Variants in UBA2 observed in about 807,000 individuals in gnomAD.
UBA2 encodes the protein SUMO-activating enzyme subunit 2.
A neutral mutation model predicts 77.2 loss-of-function variants in UBA2; 11 were observed. The observed-to-expected ratio is 0.14, with a 90% confidence interval of 0.09 to 0.24. The LOEUF (loss-of-function observed/expected upper bound fraction) is 0.24. Ranked by LOEUF, UBA2 falls within the 10% of genes least tolerant of loss-of-function variation. The probability of loss-of-function intolerance (pLI) is 1.00; values close to 1 mark genes in which losing one functional copy is unlikely to be tolerated. For missense variants in UBA2, 487 were observed against 781.7 expected, an observed-to-expected ratio of 0.62 and a Z score of 4.50; for synonymous variants, 278 against 276.7, an observed-to-expected ratio of 1.00 and a Z score of -0.05.
chr19:34,457,347 CAA>C (rs1481407577), intron 12 of UBA2, among the ~76,000 whole-genome samples: 2 of 151,172 alleles, frequency 1.3e-5, no homozygotes, highest in East Asian at 3.9e-4. Context: ...AGCCTGGCAA[CAA>C]GAGCGAAACT....
At chr19:34,453,586 T>G (rs1461555045) in intron 10 of UBA2, among the ~76,000 whole-genome samples, 2 of 150,394 alleles carry the variant, frequency 1.3e-5, no homozygotes, top group African/African-American at 2.5e-5. Flanking sequence ...TGCAGTGGCA[T>G]GATCTTGGCT....
chr19:34,456,295 A>G (rs2075562172), intron 12 of UBA2, among the ~76,000 whole-genome samples: 1 of 150,534 alleles, frequency 6.6e-6, no homozygotes, highest in Admixed American at 6.6e-5. Flanking sequence ...TTGTATTATT[A>G]GTAGAGACGG....
At chr19:34,441,371 C>G (rs1368109702) in intron 6 of UBA2, among the ~76,000 whole-genome samples, 1 of 152,018 alleles carries the variant, frequency 6.6e-6, no homozygotes, top group African/African-American at 2.4e-5. Flanking sequence ...AGGAGAATGG[C>G]GTGAACCCGG....
chr19:34,438,336 C>G (rs1444793678), intron 5 of UBA2, among the ~76,000 whole-genome samples: 1 of 151,744 alleles, frequency 6.6e-6, no homozygotes, highest in East Asian at 1.9e-4. Flanking sequence ...AGTAGTTTTT[C>G]TGTTTAGTGT....
At chr19:34,428,751 G>A in intron 1 of UBA2, 181 bp downstream of exon 1, 3 of 1,140,882 alleles carry the variant, frequency 2.6e-6, no homozygotes, top group South Asian at 4.6e-5. Flanking sequence ...TGTTCTTTGG[G>A]CACGGGGCGG....
intron 6 of UBA2, among the ~76,000 whole-genome samples, chr19:34,442,240 A>G (rs892638807): frequency 6.6e-6 from 1 of 152,150 alleles, no homozygotes; most frequent in Non-Finnish European, 1.5e-5. Context: ...CACACACACA[A>G]AAAAGATAAT....
chr19:34,458,401 A>T (rs1005098989), intron 12 of UBA2, among the ~76,000 whole-genome samples: 1 of 151,490 alleles, frequency 6.6e-6, no homozygotes, highest in Non-Finnish European at 1.5e-5. Flanking sequence ...TAAAAAAAAA[A>T]TACAAAAAAT....
intron 7 of UBA2, among the ~76,000 whole-genome samples, chr19:34,444,378 T>A (rs367832807): frequency 6.6e-6 from 1 of 152,068 alleles, no homozygotes; most frequent in Non-Finnish European, 1.5e-5. Context: ...ACAAAAAAAA[T>A]ATGATTCCGT....
chr19:34,454,216 T>G (rs773804523), intron 10 of UBA2, 44 bp from the exon 11 acceptor site: 1 of 1,487,314 alleles, frequency 6.7e-7, no homozygotes, highest in Non-Finnish European at 9.3e-7. Flanking sequence ...TTCAAAATAG[T>G]CAATTTGTGG....
intron 10 of UBA2, among the ~76,000 whole-genome samples, chr19:34,453,611 C>T (rs1021428281): frequency 2.6e-4 from 39 of 150,706 alleles, no homozygotes; most frequent in African/African-American, 9.3e-4. Flanking sequence ...GCAGCCTCTG[C>T]GTCCCGGGTT....
chr19:34,470,863 C>T lies in UBA2; in HGVS notation c.*1642C>T, dbSNP rs536036862. 1 of 152,348 alleles carries T rather than the reference C, an allele frequency of 6.6e-6. No individual in the cohort carries two copies. Among genetic ancestry groups the T allele is most frequent in the Admixed American group, 6.5e-5 (1 of 15,286 alleles). 9.4% of individuals were successfully genotyped at this position (152,348 alleles called of 1,614,324 possible). A position where few individuals can be genotyped will look rare whatever the true frequency, so the allele number is the denominator to read the frequency against. ...AAAATTTGGATTGTCAGCAGTTGGC[C>T]TTTGTTGAGAAAATGTGTGACTTTG... On this transcript the variant is annotated 3_prime_UTR_variant, in exon 17 of 17. Coordinates refer to ENST00000246548, the MANE Select transcript of UBA2 (RefSeq NM_005499.3).
chr19:34,437,810 T>C (rs2075326161), intron 5 of UBA2, among the ~76,000 whole-genome samples: 1 of 151,310 alleles, frequency 6.6e-6, no homozygotes. Context: ...TCCCAGCACT[T>C]TTGGGAAGCC....
intron 14 of UBA2, among the ~76,000 whole-genome samples, chr19:34,463,080 G>A (rs547188768): frequency 1.1e-3 from 170 of 151,018 alleles, no homozygotes; most frequent in Non-Finnish European, 1.5e-3. Flanking sequence ...CTGGACAACA[G>A]AGTGAGACTC....
chr19:34,443,989 G>A (rs2075397962), intron 7 of UBA2, 78 bp downstream of exon 7: 4 of 867,330 alleles, frequency 4.6e-6, no homozygotes, highest in Admixed American at 3.7e-5. Flanking sequence ...TAGCTTAAGG[G>A]AAAAAAATTG....
intron 16 of UBA2, among the ~76,000 whole-genome samples, chr19:34,468,177 ACTT>A (rs1173176917): frequency 4.6e-5 from 7 of 151,770 alleles, no homozygotes; most frequent in Admixed American, 2.0e-4. Flanking sequence ...CCAGATTTTG[ACTT>A]CTTTGTTTTC....
At chr19:34,444,033 GTTTTTTTTTTGTTTTTTTTT>G in intron 7 of UBA2, 122 bp downstream of exon 7, 1 of 202,742 alleles carries the variant, frequency 4.9e-6, no homozygotes, top group Non-Finnish European at 8.8e-6. Flanking sequence ...TTTAACATGT[GTTTTTTTTTTGTTTTTTTTT>G]TTTTTTTTTT....
At chr19:34,446,112 C>T (rs2075427556) in intron 8 of UBA2, among the ~76,000 whole-genome samples, 1 of 152,058 alleles carries the variant, frequency 6.6e-6, no homozygotes, top group Non-Finnish European at 1.5e-5. Context: ...CTCCTGGGTT[C>T]AAGCGATCCT....
At chr19:34,429,574 G>A (rs958080820) in intron 1 of UBA2, among the ~76,000 whole-genome samples, 2 of 152,146 alleles carry the variant, frequency 1.3e-5, no homozygotes, top group Non-Finnish European at 2.9e-5. Flanking sequence ...ATGGATGAAG[G>A]CTTGAATTAA....
At chr19:34,467,070 CA>C (rs1181225800) in intron 16 of UBA2, 56 bp downstream of exon 16, 47 of 1,584,640 alleles carry the variant, frequency 3.0e-5, no homozygotes, top group Non-Finnish European at 4.0e-5. Flanking sequence ...GAAGTAAAAA[CA>C]AACTGATTAT....
Sources: allele counts gnomAD v4.1 joint callset (sites outside exome capture counted in the v4.1 genomes callset), GRCh38; gene constraint gnomAD v4.1.1; transcripts MANE v1.5; gene names NCBI Gene and HGNC (gene_info 2026-07-23, HGNC 2026-07-21).